The following ZFPM2 variants were observed in gnomAD, a reference collection of about 807,000 sequenced individuals.
ZFPM2 encodes zinc finger protein, FOG family member 2, also known as zinc finger protein ZFPM2.
ZFPM2 carries 20 observed loss-of-function variants against 98.6 expected under a neutral mutation model. That is an observed-to-expected ratio of 0.20 (90% CI 0.14 to 0.29). The LOEUF is 0.29. Among genes scored for constraint, ZFPM2 ranks in the 10% least tolerant of loss-of-function variants. The pLI is 1.00. For synonymous variants in ZFPM2, 518 were observed against 502.7 expected (o/e 1.03, Z -0.41); for missense variants, 1,310 against 1,388.6 (o/e 0.94, Z 0.90).
chr8:105,481,827 A>G (rs188031015), intron 3 of ZFPM2, among the ~76,000 whole-genome samples: 29 of 152,306 alleles, frequency 1.9e-4, no homozygotes, highest in Non-Finnish European at 3.4e-4. Flanking sequence ...TGCAGTCACA[A>G]ACTAACTCGA....
At chr8:105,665,319 C>A (rs182732973) in intron 5 of ZFPM2, among the ~76,000 whole-genome samples, 1 of 152,174 alleles carries the variant, frequency 6.6e-6, no homozygotes, top group Admixed American at 6.5e-5. Flanking sequence ...AACAAATGAA[C>A]TTTTGGGGGA....
At position 105,798,750 on chromosome 8, in the gene ZFPM2, G is replaced by A; in HGVS notation, c.766G>A (p.Gly256Ser). Residue 256 changes from glycine to serine, a missense_variant, in exon 7 of 8, where the codon GGC (glycine) becomes AGC (serine). Gly to Ser is a moderately conservative substitution (Grantham distance 56). Transcript: ENST00000407775. ...GGATATATTCCCTTGCAAGTCCTGT[G>A]GCATCTGGTATCGGAGTGAGCGGAA... ...NKDIFPCKSC[G>S]IWYRSERNLQ... is the part of the protein sequence containing the mutation. The A allele has an allele frequency of 6.2e-7, 1 of 1,613,838 alleles. No individual in the cohort carries two copies. The highest frequency in any genetic ancestry group is 8.5e-7 in the Non-Finnish European group (1 of 1,179,828).
At chr8:105,726,170 G>A (rs1452783397) in intron 5 of ZFPM2, among the ~76,000 whole-genome samples, 1 of 146,562 alleles carries the variant, frequency 6.8e-6, no homozygotes, top group African/African-American at 2.6e-5. Flanking sequence ...TGGCTCAGAT[G>A]TTGTGATTTT....
At chr8:105,410,737 C>T (rs2130034038) in intron 1 of ZFPM2, among the ~76,000 whole-genome samples, 1 of 152,002 alleles carries the variant, frequency 6.6e-6, no homozygotes, top group African/African-American at 2.4e-5. Flanking sequence ...TGTGGTATCT[C>T]ATAGAAGTCT....
chr8:105,444,928 T>C (rs577762350), intron 3 of ZFPM2, among the ~76,000 whole-genome samples: 2 of 152,174 alleles, frequency 1.3e-5, no homozygotes, highest in South Asian at 4.1e-4. Context: ...CTGATCAAAA[T>C]ACTCCACCAC....
chr8:105,799,055 A>G (rs1201353119), intron 7 of ZFPM2, 107 bp downstream of exon 7: 5 of 1,054,640 alleles, frequency 4.7e-6, no homozygotes, highest in Admixed American at 2.6e-5. Flanking sequence ...GTAGCTATCT[A>G]TAACATCAAA....
chr8:105,474,722 A>C (rs1812978811), intron 3 of ZFPM2, among the ~76,000 whole-genome samples: 1 of 152,192 alleles, frequency 6.6e-6, no homozygotes, highest in Non-Finnish European at 1.5e-5. Context: ...TGCAAACCTA[A>C]TAGGTGAATG....
At chr8:105,372,334 G>A (rs1461006536) in intron 1 of ZFPM2, among the ~76,000 whole-genome samples, 3 of 151,980 alleles carry the variant, frequency 2.0e-5, no homozygotes, top group South Asian at 2.1e-4. Context: ...GAGCCACCGC[G>A]CCCGGCCTAT....
chr8:105,460,095 T>G (rs765387251), intron 3 of ZFPM2, among the ~76,000 whole-genome samples: 5 of 152,090 alleles, frequency 3.3e-5, no homozygotes, highest in Non-Finnish European at 7.4e-5. Flanking sequence ...TGAGTGTTGA[T>G]TAAGTGAGTG....
intron 3 of ZFPM2, among the ~76,000 whole-genome samples, chr8:105,518,697 C>T (rs1226620373): frequency 6.6e-6 from 1 of 152,108 alleles, no homozygotes; most frequent in African/African-American, 2.4e-5. Flanking sequence ...AATATGAAAG[C>T]CTGGTTGAAG....
At chr8:105,741,710 GTA>G (rs1304728297) in intron 5 of ZFPM2, among the ~76,000 whole-genome samples, 1 of 152,018 alleles carries the variant, frequency 6.6e-6, no homozygotes, top group Non-Finnish European at 1.5e-5. Context: ...ATAGGGAAAT[GTA>G]TGATTGCTGG....
intron 5 of ZFPM2, among the ~76,000 whole-genome samples, chr8:105,635,296 A>G (rs1816825206): frequency 1.3e-5 from 2 of 152,156 alleles, no homozygotes; most frequent in Admixed American, 6.6e-5. Flanking sequence ...ATATATTAAC[A>G]TATAAAACAC....
At chr8:105,432,494 T>A (rs1812040085) in intron 2 of ZFPM2, among the ~76,000 whole-genome samples, 1 of 152,228 alleles carries the variant, frequency 6.6e-6, no homozygotes, top group Non-Finnish European at 1.5e-5. Context: ...AATACTTTGA[T>A]AATGAGTGAT....
chr8:105,520,690 G>A (rs1814035200), intron 3 of ZFPM2, among the ~76,000 whole-genome samples: 1 of 152,074 alleles, frequency 6.6e-6, no homozygotes, highest in South Asian at 2.1e-4. Flanking sequence ...ATGTACTGGG[G>A]TGGAGATTAT....
At chr8:105,373,686 A>G (rs988230561) in intron 1 of ZFPM2, among the ~76,000 whole-genome samples, 1 of 152,220 alleles carries the variant, frequency 6.6e-6, no homozygotes, top group African/African-American at 2.4e-5. Flanking sequence ...GAGAAAAGCT[A>G]TAACAACAAC....
chr8:105,320,351 A>C (rs373582749), intron 1 of ZFPM2, among the ~76,000 whole-genome samples: 1 of 151,150 alleles, frequency 6.6e-6, no homozygotes, highest in Non-Finnish European at 1.5e-5. Context: ...TCCTTCTCTT[A>C]TACTTCAGTT....
At chr8:105,347,266 A>G (rs1373032868) in intron 1 of ZFPM2, among the ~76,000 whole-genome samples, 2 of 152,164 alleles carry the variant, frequency 1.3e-5, no homozygotes, top group African/African-American at 2.4e-5. Flanking sequence ...CTGATTGCAA[A>G]TTAAAAGCCT....
At chr8:105,337,060 G>A (rs987042846) in intron 1 of ZFPM2, among the ~76,000 whole-genome samples, 1 of 151,762 alleles carries the variant, frequency 6.6e-6, no homozygotes, top group African/African-American at 2.4e-5. Flanking sequence ...TGGTGAAAAT[G>A]CATTTGGATG....
intron 5 of ZFPM2, among the ~76,000 whole-genome samples, chr8:105,712,268 C>T (rs953907673): frequency 6.6e-6 from 1 of 151,994 alleles, no homozygotes; most frequent in African/African-American, 2.4e-5. Flanking sequence ...TGACATGCAG[C>T]ATAAGCATTG....
Sources: allele counts gnomAD v4.1 joint callset (sites outside exome capture counted in the v4.1 genomes callset), GRCh38; gene constraint gnomAD v4.1.1; transcripts MANE v1.5; gene names NCBI Gene and HGNC (gene_info 2026-07-23, HGNC 2026-07-21).